The following SPATA6L variants were observed in gnomAD, a reference collection of about 807,000 sequenced individuals.
SPATA6L encodes spermatogenesis associated 6 like, also known as spermatogenesis associated 6-like protein.
A neutral mutation model predicts 49.2 loss-of-function variants in SPATA6L; 68 were observed. The ratio of observed to expected loss-of-function variants is 1.38; its 90% CI spans 1.14 to 1.69. The LOEUF (loss-of-function observed/expected upper bound fraction) is 1.69, where lower values mean the gene tolerates loss of function less well. Among genes scored for constraint, SPATA6L ranks in the 40% most tolerant of loss-of-function variants. The pLI is 0.00. For missense variants in SPATA6L, 668 were observed against 464.3 expected (o/e 1.44, Z -4.03); for synonymous variants, 198 against 165.7 (o/e 1.19, Z -1.50).
chr9:4,662,228 C>A lies in SPATA6L; in HGVS notation c.40-192G>T. 1 of 1,434,642 alleles carries A rather than the reference C, an allele frequency of 7.0e-7. No individual in the cohort carries two copies. The highest frequency in any genetic ancestry group is 1.4e-5 in the African/African-American group (1 of 69,616). The allele number at this position is 1,434,642 out of a possible 1,614,324, so 88.9% of individuals were successfully genotyped here. A position where few individuals can be genotyped will look rare whatever the true frequency, so the allele number is the denominator to read the frequency against. ...TCACATTGGAAATTCCAACTCCCTC[C>A]CACGTCTCCACCAGGTGTCACAATC... On this transcript the variant is annotated intron_variant, in intron 1 of 11. Transcript: ENST00000682582. This position sits in a 1 kb window ranked among gnomAD's most constrained non-coding sequence, Gnocchi z 4.9.
At chr9:4,602,620 T>C (rs1564105926) in intron 11 of SPATA6L, among the ~76,000 whole-genome samples, 1 of 152,108 alleles carries the variant, frequency 6.6e-6, no homozygotes, top group Non-Finnish European at 1.5e-5. Context: ...ATGAGGACTA[T>C]ACAGGACAAA....
chr9:4,618,093 A>T lies in SPATA6L; in HGVS notation c.825T>A (p.Asp275Glu). 1.2e-6 allele frequency: 2 copies of T among 1,609,034 alleles called. No homozygotes were observed. Among genetic ancestry groups the T allele is most frequent in the East Asian group, 2.2e-5 (1 of 44,672 alleles). ...AANVKVIKEP[D>E]ERIVLRSDSS... ...AGTCACTCCTTAAAACAATCCGTTC[A>T]TCTGGCTCTTTGATAACCTGAGTGA... The change falls in exon 9 of 12, where the codon GAT becomes GAA. Residue 275 changes from aspartate to glutamate, a missense_variant. Transcript: ENST00000682582.
intron 3 of SPATA6L, among the ~76,000 whole-genome samples, chr9:4,655,231 G>C (rs1044315661): frequency 6.6e-6 from 1 of 152,126 alleles, no homozygotes; most frequent in Non-Finnish European, 1.5e-5. Flanking sequence ...ATTAAGTTCT[G>C]GCACATGCTA....
chr9:4,599,021 T>C lies in SPATA6L; in HGVS notation c.*1790A>G, dbSNP rs1369312107. Among the ~76,000 whole-genome samples the C allele has an allele frequency of 6.6e-6, 1 of 152,260 alleles. No homozygotes were observed. The highest frequency in any genetic ancestry group is 1.5e-5 in the Non-Finnish European group (1 of 68,038). On this transcript the variant is annotated 3_prime_UTR_variant, in exon 12 of 12. Transcript: ENST00000682582. ...TTTTGGAATATTTACATAAACACAATGAAGTATCTTCAGGATAGGGGATAG... is the reference window on the plus strand; with the variant it reads ...TTTTGGAATATTTACATAAACACAACGAAGTATCTTCAGGATAGGGGATAG...
At chr9:4,590,141 C>A (rs1266114674) in intron 13 of SPATA6L, among the ~76,000 whole-genome samples, 3 of 152,162 alleles carry the variant, frequency 2.0e-5, no homozygotes, top group Non-Finnish European at 4.4e-5. Context: ...CCAGGCTGGT[C>A]TCAAACTCCT....
Position 4,606,121 on chromosome 9 carries a change from C to A in SPATA6L, c.996-681G>T, listed in dbSNP as rs142715388. Among the ~76,000 whole-genome samples, 54 of 152,074 alleles carry A rather than the reference C, an allele frequency of 3.6e-4. No individual in the cohort carries two copies. In the East Asian group the frequency reaches 9.4e-3, roughly 26 times the overall value. ...TTTCCTACGGGCTTAAAAAATGGCGCACCACCCACCTGGCTCGGAGGGTCC... is the reference window on the plus strand; with the variant it reads ...TTTCCTACGGGCTTAAAAAATGGCGAACCACCCACCTGGCTCGGAGGGTCC... On this transcript the variant is annotated intron_variant, in intron 9 of 11. Transcript: ENST00000682582.
chr9:4,606,103 C>T (rs1304064979), intron 9 of SPATA6L, among the ~76,000 whole-genome samples: 12 of 150,184 alleles, frequency 8.0e-5, no homozygotes, highest in East Asian at 1.9e-4. Context: ...GCTTTTCCTA[C>T]GGGCTTAAAA....
chr9:4,616,953 C>T (rs1411207574), intron 9 of SPATA6L, among the ~76,000 whole-genome samples: 1 of 152,198 alleles, frequency 6.6e-6, no homozygotes, highest in East Asian at 1.9e-4. Context: ...AAAAGCTCGT[C>T]ATACGTTAAT....
At chr9:4,632,081 C>T (rs1384199502) in intron 4 of SPATA6L, among the ~76,000 whole-genome samples, 1 of 147,010 alleles carries the variant, frequency 6.8e-6, no homozygotes, top group Non-Finnish European at 1.5e-5. Context: ...ACTCTGTCGC[C>T]CAGGCTGGAG....
intron 3 of SPATA6L, among the ~76,000 whole-genome samples, chr9:4,641,612 T>C (rs1212268668): frequency 1.3e-5 from 2 of 152,114 alleles, no homozygotes; most frequent in African/African-American, 2.4e-5. Context: ...CCTAACTACA[T>C]TTTCGAGTAA....
chr9:4,627,306 G>C (rs1830537029), intron 5 of SPATA6L: 1 of 159,264 alleles, frequency 6.3e-6, no homozygotes, highest in Non-Finnish European at 1.4e-5. Flanking sequence ...TTGGAGAGAA[G>C]AGAGGATAAA....
rs1276479010 is a variant in SPATA6L, at chr9:4,605,359, C to T, written c.1077G>A (p.Leu359=). The change falls in exon 10 of 12, where the codon CTG becomes CTA. Residue 359 remains leucine (L), a synonymous_variant. Coordinates refer to ENST00000682582, the MANE Select transcript of SPATA6L (RefSeq NM_001353486.2). ...CSLLTSHRAQ[L]HQNKEDSTSE... is the part of the protein sequence containing the mutation. ...AAGAAAGTCTAACCTTGTTTTGGTG[C>T]AGCTGTGCTCTGTGGGATGTCAGAA... 6.2e-7 allele frequency: 1 copy of T among 1,613,442 alleles called. No individual in the cohort carries two copies. Among genetic ancestry groups the T allele is most frequent in the Non-Finnish European group, 8.5e-7 (1 of 1,179,434 alleles).
intron 7 of SPATA6L, 29 bp downstream of exon 7, chr9:4,622,379 T>C: frequency 7.4e-7 from 1 of 1,351,240 alleles, no homozygotes; most frequent in Non-Finnish European, 1.1e-6. Flanking sequence ...CATAGGGAAA[T>C]GTACAGGAGT....
At chr9:4,606,381 C>G (rs1410597012) in intron 9 of SPATA6L, among the ~76,000 whole-genome samples, 1 of 125,652 alleles carries the variant, frequency 8.0e-6, no homozygotes, top group Non-Finnish European at 1.6e-5. Flanking sequence ...GTAACCTCTG[C>G]AGACTTAAAT....
intron 9 of SPATA6L, among the ~76,000 whole-genome samples, chr9:4,613,141 T>C (rs913493288): frequency 6.6e-6 from 1 of 151,538 alleles, no homozygotes; most frequent in South Asian, 2.1e-4. Context: ...GGCATGAAAA[T>C]TGCTTGAACC....
intron 4 of SPATA6L, chr9:4,632,999 C>A (rs796837268): frequency 4.6e-4 from 70 of 152,286 alleles, no homozygotes; most frequent in African/African-American, 1.6e-3. Context: ...GGTTAGACAT[C>A]AAAACAAAAA....
chr9:4,614,432 G>C (rs1013741664), intron 9 of SPATA6L, among the ~76,000 whole-genome samples: 3 of 152,184 alleles, frequency 2.0e-5, no homozygotes, highest in African/African-American at 7.2e-5. Context: ...CACAGAGAAA[G>C]AGTGGTCCTG....
At chr9:4,650,658 T>A (rs1401625337) in intron 3 of SPATA6L, among the ~76,000 whole-genome samples, 1 of 152,132 alleles carries the variant, frequency 6.6e-6, no homozygotes, top group Non-Finnish European at 1.5e-5. Flanking sequence ...ACAGAAATAA[T>A]TTTTTGTTTG....
chr9:4,662,267 C>T lies in SPATA6L; in HGVS notation c.40-231G>A, dbSNP rs1839978050. ...GGTGTCACAATCGCGCTCTCGCCGGCTCCTCTCCCCGCCCCTCCGGGATGG... is the reference window on the plus strand; with the variant it reads ...GGTGTCACAATCGCGCTCTCGCCGGTTCCTCTCCCCGCCCCTCCGGGATGG... On this transcript the variant is annotated intron_variant, in intron 1 of 11. Coordinates refer to ENST00000682582, the MANE Select transcript of SPATA6L (RefSeq NM_001353486.2). This position sits in a 1 kb window ranked among gnomAD's most constrained non-coding sequence, Gnocchi z 4.9. The T allele has an allele frequency of 7.0e-7, 1 of 1,434,094 alleles. No individual in the cohort carries two copies. Among genetic ancestry groups the T allele is most frequent in the Non-Finnish European group, 9.1e-7 (1 of 1,099,550 alleles). The allele number at this position is 1,434,094 out of a possible 1,614,324, so 88.8% of individuals were successfully genotyped here.
Sources: gnomAD v4.1 joint callset for allele counts (sites outside exome capture counted in the v4.1 genomes callset) on GRCh38, gnomAD v4.1.1 for gene constraint, Gnocchi (gnomAD v3.1) non-coding constraint, MANE v1.5 for transcripts, NCBI Gene and HGNC (gene_info 2026-07-23, HGNC 2026-07-21) for gene names.